The following GNB1L variants were observed in gnomAD, a reference collection of about 807,000 sequenced individuals.
GNB1L encodes the protein G protein subunit beta 1 like.
Under a neutral mutation model 29.1 loss-of-function variants are expected in GNB1L, and 20 were observed. The ratio of observed to expected loss-of-function variants is 0.69; its 90% confidence interval spans 0.48 to 1.00. The LOEUF (loss-of-function observed/expected upper bound fraction) is 1.00. Ranked by LOEUF, GNB1L falls within the 50% of genes least tolerant of loss-of-function variation. The pLI, the probability that GNB1L is intolerant of heterozygous loss-of-function variation, is 0.00. For missense variants in GNB1L, 421 were observed against 464.9 expected (o/e 0.91, Z 0.87); for synonymous variants, 193 against 206.5 (o/e 0.93, Z 0.56).
chr22:19,850,063 A>C (rs1293630016), intron 2 of GNB1L: 1 of 985,228 alleles, frequency 1.0e-6, no homozygotes, highest in East Asian at 1.1e-4. Context: ...CTGCAGAGCC[A>C]CCCACCCCCT....
chr22:19,835,826 G>C (rs562248021), intron 2 of GNB1L, among the ~76,000 whole-genome samples: 105 of 152,302 alleles, frequency 6.9e-4, no homozygotes, highest in African/African-American at 2.5e-3. Context: ...GGGTTCAAGA[G>C]GAAGTCCCAA....
chr22:19,851,532 A>G (rs745595271), intron 2 of GNB1L: 3 of 1,614,038 alleles, frequency 1.9e-6, no homozygotes, highest in Admixed American at 1.7e-5. Context: ...TTGGACCCAG[A>G]CACAGCAGGG....
Position 19,798,906 on chromosome 22 carries a change from G to A in GNB1L, c.732+3095C>T, listed in dbSNP as rs527661741. Among the ~76,000 whole-genome samples the A allele has an allele frequency of 5.3e-5, 8 of 152,340 alleles. No individual in the cohort carries two copies. In the East Asian group the frequency reaches 1.2e-3, roughly 22 times the overall value. On this transcript the variant is annotated intron_variant, in intron 7 of 7. Transcript: ENST00000329517. ...ACAGCAGCCAGGGCCCTGCACTACC[G>A]TGCTCCTGATGGCAGATGGAAACAT...
chr22:19,815,069 C>T (rs1937519447), intron 4 of GNB1L, among the ~76,000 whole-genome samples: 1 of 151,404 alleles, frequency 6.6e-6, no homozygotes, highest in Admixed American at 6.6e-5. Context: ...GTTGAGGTCA[C>T]GAAAATAAGT....
intron 7 of GNB1L, among the ~76,000 whole-genome samples, chr22:19,793,658 C>A (rs947703476): frequency 6.6e-6 from 1 of 152,156 alleles, no homozygotes; most frequent in African/African-American, 2.4e-5. Flanking sequence ...AAAAAAAAAT[C>A]TTGAAAGCAG....
intron 2 of GNB1L, chr22:19,848,641 C>T (rs1384694692): frequency 1.0e-6 from 1 of 985,342 alleles, no homozygotes; most frequent in Non-Finnish European, 1.2e-6. Flanking sequence ...AATTAAAAAC[C>T]AGGTCACCTG....
intron 7 of GNB1L, among the ~76,000 whole-genome samples, chr22:19,796,453 C>T (rs542836356): frequency 1.3e-5 from 2 of 152,326 alleles, no homozygotes; most frequent in South Asian, 2.1e-4. Context: ...GAAAACTGGA[C>T]GGCCCCGCAT....
chr22:19,828,596 T>C (rs1192367091), intron 2 of GNB1L, among the ~76,000 whole-genome samples: 1 of 151,862 alleles, frequency 6.6e-6, no homozygotes, highest in Non-Finnish European at 1.5e-5. Flanking sequence ...CAGTGAGCCA[T>C]GATCACACCA....
intron 4 of GNB1L, among the ~76,000 whole-genome samples, chr22:19,815,703 T>G (rs1234387107): frequency 6.6e-6 from 1 of 152,066 alleles, no homozygotes; most frequent in Non-Finnish European, 1.5e-5. Flanking sequence ...CACTTCAGCC[T>G]CCCAAGTAGC....
At chr22:19,848,825 G>C in intron 2 of GNB1L, 2 of 985,188 alleles carry the variant, frequency 2.0e-6, no homozygotes, top group Non-Finnish European at 2.4e-6. Context: ...TCCCAGGCTG[G>C]AGTATCCACT....
At chr22:19,811,004 G>A (rs1767056456) in intron 5 of GNB1L, among the ~76,000 whole-genome samples, 1 of 152,322 alleles carries the variant, frequency 6.6e-6, no homozygotes, top group East Asian at 1.9e-4. Context: ...AGCACAGCAG[G>A]CCAAGGGAAG....
chr22:19,805,846 A>C (rs564515871), intron 6 of GNB1L, among the ~76,000 whole-genome samples: 23 of 152,304 alleles, frequency 1.5e-4, no homozygotes, highest in African/African-American at 5.5e-4. Context: ...GCCTGGGAAG[A>C]GTGCTGCTGG....
At chr22:19,852,140 G>T in intron 2 of GNB1L, 1 of 1,614,160 alleles carries the variant, frequency 6.2e-7, no homozygotes, top group Admixed American at 1.7e-5. Flanking sequence ...ATCCACAAGG[G>T]GGGTGTATGC....
At chr22:19,808,219 A>G (rs1039036019) in intron 5 of GNB1L, among the ~76,000 whole-genome samples, 3 of 152,192 alleles carry the variant, frequency 2.0e-5, no homozygotes, top group African/African-American at 7.2e-5. Context: ...ACACAAACGC[A>G]TGCACACACA....
intron 7 of GNB1L, among the ~76,000 whole-genome samples, chr22:19,797,403 C>A (rs1224437770): frequency 6.6e-6 from 1 of 152,134 alleles, no homozygotes; most frequent in Non-Finnish European, 1.5e-5. Flanking sequence ...CAGGGACAGA[C>A]TGAGGATTTT....
At chr22:19,795,987 T>C (rs1322711594) in intron 7 of GNB1L, among the ~76,000 whole-genome samples, 1 of 151,172 alleles carries the variant, frequency 6.6e-6, no homozygotes, top group Non-Finnish European at 1.5e-5. Context: ...CGACATGCAA[T>C]CATCGATGTG....
chr22:19,851,790 G>A, intron 2 of GNB1L: 1 of 1,614,004 alleles, frequency 6.2e-7, no homozygotes. Flanking sequence ...TCCCCATCAA[G>A]GTAGGGGGCT....
chr22:19,828,820 C>T (rs1937642045), intron 2 of GNB1L, among the ~76,000 whole-genome samples: 2 of 151,078 alleles, frequency 1.3e-5, no homozygotes, highest in Non-Finnish European at 2.9e-5. Flanking sequence ...GAGAATATGA[C>T]ATACTACTCT....
At chr22:19,796,429 T>C (rs1320386914) in intron 7 of GNB1L, among the ~76,000 whole-genome samples, 1 of 152,210 alleles carries the variant, frequency 6.6e-6, no homozygotes, top group Non-Finnish European at 1.5e-5. Flanking sequence ...CCCTGGCACA[T>C]GTGCAATGCT....
Sources: allele counts gnomAD v4.1 joint callset (sites outside exome capture counted in the v4.1 genomes callset), GRCh38; gene constraint gnomAD v4.1.1; transcripts MANE v1.5; gene names NCBI Gene and HGNC (gene_info 2026-07-23, HGNC 2026-07-21).